Variants in WWOX observed in about 807,000 individuals in gnomAD.
The protein encoded by WWOX is WW domain-containing oxidoreductase.
WWOX carries 69 observed loss-of-function variants against 46.2 expected under a neutral mutation model. That is an observed-to-expected ratio of 1.49 (90% confidence interval 1.23 to 1.82). The LOEUF is 1.82. WWOX is among the 40% of genes most tolerant of loss of function. The pLI is 0.00. For synonymous variants in WWOX, 359 were observed against 202.6 expected, an observed-to-expected ratio of 1.77 and a Z score of -6.56; for missense variants, 919 against 542.6, an observed-to-expected ratio of 1.69 and a Z score of -6.89.
chr16:78,892,759 C>A (rs2044618798), intron 8 of WWOX, among the ~76,000 whole-genome samples: 1 of 152,192 alleles, frequency 6.6e-6, no homozygotes, highest in Non-Finnish European at 1.5e-5. Flanking sequence ...CCACAACTTT[C>A]TAACCTCTGT....
At chr16:78,824,700 A>G (rs924408696) in intron 8 of WWOX, among the ~76,000 whole-genome samples, 1 of 152,148 alleles carries the variant, frequency 6.6e-6, no homozygotes, top group African/African-American at 2.4e-5. Flanking sequence ...AGATCTTGTG[A>G]CACTTATTCA....
intron 8 of WWOX, among the ~76,000 whole-genome samples, chr16:78,446,700 T>TC (rs2083569155): frequency 7.5e-6 from 1 of 134,146 alleles, no homozygotes; most frequent in Non-Finnish European, 1.6e-5. Flanking sequence ...ATCTCCTGTC[T>TC]CCCAGGCTGG....
chr16:79,179,791 G>A (rs1025490451), intron 8 of WWOX, among the ~76,000 whole-genome samples: 3 of 152,180 alleles, frequency 2.0e-5, no homozygotes, highest in African/African-American at 4.8e-5. Context: ...AACTCCTTGG[G>A]ATGTGTAATG....
At chr16:79,162,399 T>C (rs961443934) in intron 8 of WWOX, among the ~76,000 whole-genome samples, 1 of 152,210 alleles carries the variant, frequency 6.6e-6, no homozygotes. Flanking sequence ...CTCTTGTCCC[T>C]GGTTGCCTGA....
Position 78,656,836 on chromosome 16 carries a change from C to T in WWOX, c.1056+224084C>T, listed in dbSNP as rs566678281. Among the ~76,000 whole-genome samples, 6 of 152,208 alleles carry T rather than the reference C, an allele frequency of 3.9e-5. No individual in the cohort carries two copies. In the South Asian group the frequency reaches 1.2e-3, roughly 32 times the overall value. On this transcript the variant is annotated intron_variant, in intron 8 of 8. Transcript: ENST00000566780. ...ACACAGAAGACTGGTGAGTTCTAGA[C>T]TTGATGTGTTTCATGGGAAACAGGA...
At chr16:78,432,223 T>A (rs1337137196) in intron 7 of WWOX, among the ~76,000 whole-genome samples, 1 of 151,966 alleles carries the variant, frequency 6.6e-6, no homozygotes, top group Non-Finnish European at 1.5e-5. Flanking sequence ...GTTTCAGTGA[T>A]TCTCTTGCTT....
At position 78,805,249 on chromosome 16, in the gene WWOX, G is replaced by C. The variant is rs372866826; in HGVS notation, c.1056+372497G>C. On this transcript the variant is annotated intron_variant, in intron 8 of 8. Transcript: ENST00000566780. ...CCTCTGGAGAATCAAATCCAAAACA[G>C]CATATATATGTATATTTTTTAGAGA... Among the ~76,000 whole-genome samples, 45 of 152,176 alleles carry C rather than the reference G, an allele frequency of 3.0e-4. No individual in the cohort carries two copies. In the East Asian group the frequency reaches 5.4e-3, roughly 18 times the overall value.
intron 8 of WWOX, among the ~76,000 whole-genome samples, chr16:78,797,274 G>A (rs1349228346): frequency 7.1e-6 from 1 of 141,710 alleles, no homozygotes; most frequent in Non-Finnish European, 1.5e-5. Flanking sequence ...AGCCACCTCT[G>A]ACCCAAATAA....
chr16:78,639,035 C>G (rs886343108), intron 8 of WWOX, among the ~76,000 whole-genome samples: 1 of 152,100 alleles, frequency 6.6e-6, no homozygotes, highest in Non-Finnish European at 1.5e-5. Flanking sequence ...TTTTACCCGT[C>G]TTATGGGGGA....
At chr16:78,242,213 T>A (rs1315088969) in intron 5 of WWOX, among the ~76,000 whole-genome samples, 1 of 152,258 alleles carries the variant, frequency 6.6e-6, no homozygotes, top group Non-Finnish European at 1.5e-5. Flanking sequence ...AGCCACTTTG[T>A]AATACCTGTA....
At chr16:79,101,550 C>T (rs1240610891) in intron 8 of WWOX, 1 of 152,090 alleles carries the variant, frequency 6.6e-6, no homozygotes, top group African/African-American at 2.4e-5. Context: ...ACAGTGGGTC[C>T]TGGGAATTTG....
intron 8 of WWOX, among the ~76,000 whole-genome samples, chr16:78,459,701 G>C (rs1240898286): frequency 6.6e-6 from 1 of 152,158 alleles, no homozygotes; most frequent in Non-Finnish European, 1.5e-5. Context: ...TTTAAATGCA[G>C]TTAAGTATTT....
rs1488712380 is a variant in WWOX, at chr16:78,169,221, G to C, written c.516+4932G>C. ...TTTTCCTGTGTATTCCAAGAGGCCAGTGTGGCTGGTGGAATAAGATGTTTT... is the reference window on the plus strand; with the variant it reads ...TTTTCCTGTGTATTCCAAGAGGCCACTGTGGCTGGTGGAATAAGATGTTTT... On this transcript the variant is annotated intron_variant, in intron 5 of 8. Coordinates refer to ENST00000566780, the MANE Select transcript of WWOX (RefSeq NM_016373.4). Among the ~76,000 whole-genome samples the C allele has an allele frequency of 2.6e-5, 4 of 152,196 alleles. No homozygotes were observed. The South Asian group carries it at 6.2e-4, about 24-fold the overall frequency.
At chr16:78,815,318 C>CT (rs1443465039) in intron 8 of WWOX, among the ~76,000 whole-genome samples, 1 of 149,540 alleles carries the variant, frequency 6.7e-6, no homozygotes, top group Non-Finnish European at 1.5e-5. Flanking sequence ...GAATGAAACT[C>CT]TGTCTCGAGA....
intron 8 of WWOX, among the ~76,000 whole-genome samples, chr16:78,570,474 A>G (rs1726914144): frequency 6.6e-6 from 1 of 151,946 alleles, no homozygotes; most frequent in African/African-American, 2.4e-5. Context: ...ATGCCTGCCT[A>G]ATTTTTTTTA....
chr16:78,921,160 A>G (rs1449452188), intron 8 of WWOX, among the ~76,000 whole-genome samples: 1 of 152,134 alleles, frequency 6.6e-6, no homozygotes, highest in East Asian at 1.9e-4. Context: ...ACATAAGGGA[A>G]CTTTTTTTTT....
intron 8 of WWOX, among the ~76,000 whole-genome samples, chr16:78,860,226 C>G (rs987123080): frequency 3.9e-5 from 6 of 152,268 alleles, no homozygotes; most frequent in African/African-American, 2.4e-5. Flanking sequence ...ATTATTTATA[C>G]TATTTGTCAA....
rs76995464 is a variant in WWOX at position 78,938,427 on chromosome 16, C to G, written c.1057-273181C>G. On this transcript the variant is annotated intron_variant, in intron 8 of 8. Coordinates refer to ENST00000566780, the MANE Select transcript of WWOX (RefSeq NM_016373.4). ...GCCCAGACACAGAGAGCTTGAGGAC[C>G]TTTGTGTGAGACAGTGAAACCCTCA... Among the ~76,000 whole-genome samples the G allele has an allele frequency of 4.4e-3, 668 of 151,588 alleles. 10 individuals are homozygous for G. Among genetic ancestry groups the G allele is most frequent in the African/African-American group, 0.015 (616 of 41,322 alleles).
chr16:78,313,841 G>A (rs7199623), intron 5 of WWOX, among the ~76,000 whole-genome samples: 87,909 of 151,942 alleles, frequency 0.58, 26,329 homozygotes, highest in East Asian at 0.87. Flanking sequence ...AAGGAGCTCA[G>A]CATTTAGCTT....
Sources: allele counts gnomAD v4.1 joint callset (sites outside exome capture counted in the v4.1 genomes callset), GRCh38; gene constraint gnomAD v4.1.1; transcripts MANE v1.5; gene names NCBI Gene and HGNC (gene_info 2026-07-23, HGNC 2026-07-21).